NFAT5: variants seen among roughly 807,000 people sequenced by gnomAD.
NFAT5 encodes the protein nuclear factor of activated T-cells 5.
A neutral mutation model predicts 166.5 loss-of-function variants in NFAT5; 31 were observed. The observed-to-expected ratio is 0.19, with a 90% CI of 0.14 to 0.25. The LOEUF is 0.25. NFAT5 is among the 10% of genes least tolerant of loss of function. The probability of loss-of-function intolerance (pLI) is 1.00; values close to 1 mark genes in which losing one functional copy is unlikely to be tolerated. For synonymous variants in NFAT5, 612 were observed against 639.7 expected, an observed-to-expected ratio of 0.96 and a Z score of 0.65; for missense variants, 1,449 against 1,821.8, an observed-to-expected ratio of 0.80 and a Z score of 3.72.
chr16:69,626,502 C>T lies in NFAT5; in HGVS notation c.227C>T (p.Ser76Leu), dbSNP rs369078453. Residue 76 changes from serine (S) to leucine (L), a missense_variant, in exon 3 of 15, where the codon TCG becomes TTG. Ser to Leu is a moderately radical substitution (Grantham distance 145). Coordinates refer to ENST00000349945, the MANE Select transcript of NFAT5 (RefSeq NM_138713.4). ...MSQTSGGEAG[S>L]PPPAVVAADA... is the part of the protein sequence containing the mutation. ...CAGACAAGCGGTGGTGAGGCAGGCT[C>T]GCCTCCTCCAGCTGTTGTTGCTGCT... 2.2e-5 allele frequency: 35 copies of T among 1,570,272 alleles called. No individual in the cohort carries two copies. The highest frequency in any genetic ancestry group is 9.6e-5 in the Admixed American group (5 of 52,004).
chr16:69,658,095 A>T (rs76360011), intron 6 of NFAT5, among the ~76,000 whole-genome samples: 1 of 151,430 alleles, frequency 6.6e-6, no homozygotes, highest in Non-Finnish European at 1.5e-5. Context: ...AAAAAAAAAA[A>T]TAAATAAAGT....
intron 9 of NFAT5, among the ~76,000 whole-genome samples, chr16:69,673,020 TTC>T (rs10563794): frequency 0.37 from 55,396 of 151,478 alleles, 11,077 homozygotes; most frequent in African/African-American, 0.53. Context: ...CCATTTTTCT[TTC>T]TCTCTCTCTC....
At chr16:69,592,781 G>T (rs1175020869) in intron 2 of NFAT5, among the ~76,000 whole-genome samples, 1 of 152,096 alleles carries the variant, frequency 6.6e-6, no homozygotes, top group Admixed American at 6.6e-5. Context: ...AGAACTAAGG[G>T]ATTTAGATAT....
At chr16:69,689,108 C>T (rs1000861242) in intron 11 of NFAT5, among the ~76,000 whole-genome samples, 11 of 152,020 alleles carry the variant, frequency 7.2e-5, no homozygotes, top group Non-Finnish European at 1.0e-4. Context: ...ACTCTTGTCT[C>T]TACAAAAAAA....
intron 3 of NFAT5, among the ~76,000 whole-genome samples, chr16:69,626,966 T>C (rs1301252752): frequency 6.6e-6 from 1 of 152,074 alleles, no homozygotes; most frequent in Non-Finnish European, 1.5e-5. Context: ...AGCATGTTAC[T>C]GAAACCTTTT....
At chr16:69,649,447 T>A in intron 4 of NFAT5, 1 of 984,674 alleles carries the variant, frequency 1.0e-6, no homozygotes, top group Non-Finnish European at 1.2e-6. Context: ...TAGCTATATC[T>A]TAGAAATGAT....
chr16:69,685,143 T>C, intron 11 of NFAT5, 173 bp downstream of exon 11: 1 of 264,488 alleles, frequency 3.8e-6, no homozygotes, highest in Non-Finnish European at 7.1e-6. Context: ...GTTTTCCAAT[T>C]TGATATTTTT....
intron 2 of NFAT5, among the ~76,000 whole-genome samples, chr16:69,612,748 C>A (rs1332386942): frequency 6.6e-6 from 1 of 151,798 alleles, no homozygotes; most frequent in Non-Finnish European, 1.5e-5. Context: ...GTGGCACACA[C>A]CTGTGGTCCC....
chr16:69,634,565 GC>G (rs2034871547), intron 3 of NFAT5, among the ~76,000 whole-genome samples: 1 of 151,938 alleles, frequency 6.6e-6, no homozygotes, highest in Admixed American at 6.6e-5. Flanking sequence ...TATTTATTTA[GC>G]CCACTCAGGT....
chr16:69,589,337 A>G (rs2032316308), intron 2 of NFAT5, among the ~76,000 whole-genome samples: 1 of 152,126 alleles, frequency 6.6e-6, no homozygotes, highest in Non-Finnish European at 1.5e-5. Flanking sequence ...TAACTTGTCT[A>G]TCAGTTGGAT....
At chr16:69,625,961 A>AT (rs1409980824) in intron 2 of NFAT5, among the ~76,000 whole-genome samples, 48 of 146,026 alleles carry the variant, frequency 3.3e-4, no homozygotes, top group Middle Eastern at 3.5e-3. Flanking sequence ...AAATAAAAAA[A>AT]TTTTTTTTTT....
At chr16:69,645,182 T>C (rs145997625) in intron 3 of NFAT5, among the ~76,000 whole-genome samples, 1 of 152,230 alleles carries the variant, frequency 6.6e-6, no homozygotes, top group Admixed American at 6.5e-5. Context: ...CAGTAGCATA[T>C]AGATTTCGTA....
chr16:69,659,486 A>T (rs545205956), intron 6 of NFAT5, among the ~76,000 whole-genome samples: 2 of 152,282 alleles, frequency 1.3e-5, no homozygotes, highest in South Asian at 2.1e-4. Context: ...TCAGATTTTA[A>T]AATAGTGATT....
At chr16:69,608,838 C>G (rs1342227341) in intron 2 of NFAT5, among the ~76,000 whole-genome samples, 1 of 147,752 alleles carries the variant, frequency 6.8e-6, no homozygotes, top group Admixed American at 6.8e-5. Flanking sequence ...TTTAGGTAAT[C>G]TGGCCAGGTG....
At chr16:69,601,100 CAT>C (rs938196391) in intron 2 of NFAT5, among the ~76,000 whole-genome samples, 2 of 152,150 alleles carry the variant, frequency 1.3e-5, no homozygotes, top group Admixed American at 6.6e-5. Context: ...CGCACACACA[CAT>C]ACACACACAC....
intron 2 of NFAT5, among the ~76,000 whole-genome samples, chr16:69,576,198 A>T (rs1388314132): frequency 6.6e-6 from 1 of 150,620 alleles, no homozygotes; most frequent in Non-Finnish European, 1.5e-5. Context: ...CCCCTGAGGC[A>T]GGAGAATGGC....
At chr16:69,656,282 C>CAAAAAAAAAAAAAAA (rs1230748739) in intron 6 of NFAT5, among the ~76,000 whole-genome samples, 1 of 58,862 alleles carries the variant, frequency 1.7e-5, no homozygotes, top group African/African-American at 5.4e-5. Context: ...CTCTGTCTCA[C>CAAAAAAAAAAAAAAA]AAAAAAAAAA....
chr16:69,626,398 C>T lies in NFAT5; in HGVS notation c.128-5C>T, dbSNP rs1034037451. ...TGTTTTCTCCTCTCTTTCCCCTCCC[C>T]ACAGAATCTGTCTATGATCTTCTCC... On this transcript the variant is annotated splice_polypyrimidine_tract_variant and splice_region_variant and intron_variant, in intron 2 of 14. Coordinates refer to ENST00000349945, the MANE Select transcript of NFAT5 (RefSeq NM_138713.4). The T allele has an allele frequency of 6.4e-7, 1 of 1,556,878 alleles. No individual in the cohort carries two copies. Among genetic ancestry groups the T allele is most frequent in the Non-Finnish European group, 8.6e-7 (1 of 1,157,500 alleles).
chr16:69,666,500 A>G (rs1231987680), intron 7 of NFAT5, among the ~76,000 whole-genome samples: 1 of 152,226 alleles, frequency 6.6e-6, no homozygotes, highest in Admixed American at 6.5e-5. Context: ...CCCATCAACA[A>G]GTGGGCGAAG....
Sources: gnomAD v4.1 joint callset for allele counts (sites outside exome capture counted in the v4.1 genomes callset) on GRCh38, gnomAD v4.1.1 for gene constraint, MANE v1.5 for transcripts, NCBI Gene and HGNC (gene_info 2026-07-23, HGNC 2026-07-21) for gene names.